ALK: variants seen among roughly 807,000 people sequenced by gnomAD.
The protein encoded by ALK is ALK tyrosine kinase receptor.
Under a neutral mutation model 163.1 loss-of-function variants are expected in ALK, and 74 were observed. The observed-to-expected ratio is 0.45, with a 90% CI of 0.38 to 0.55. The LOEUF is 0.55. Ranked by LOEUF, ALK falls within the 20% of genes least tolerant of loss-of-function variation. ALK has a pLI of 0.00. For missense variants in ALK, 2,063 were observed against 2,105.3 expected (o/e 0.98, Z 0.39); for synonymous variants, 960 against 843.2 (o/e 1.14, Z -2.40).
chr2:29,501,744 G>T (rs541955481), intron 4 of ALK, among the ~76,000 whole-genome samples: 11 of 152,214 alleles, frequency 7.2e-5, no homozygotes, highest in Admixed American at 4.6e-4. Context: ...CAGTTTAGTG[G>T]CATGAAGTTC....
At chr2:29,891,818 T>C (rs1226025493) in intron 1 of ALK, among the ~76,000 whole-genome samples, 9 of 152,176 alleles carry the variant, frequency 5.9e-5, no homozygotes, top group Non-Finnish European at 7.3e-5. Flanking sequence ...GAAGCTTAGA[T>C]GCAGCAGGAC....
chr2:29,841,562 A>G (rs554569415), intron 1 of ALK, among the ~76,000 whole-genome samples: 1 of 152,190 alleles, frequency 6.6e-6, no homozygotes. Context: ...AATTTTGCTC[A>G]GTGTTCTTGG....
intron 6 of ALK, among the ~76,000 whole-genome samples, chr2:29,324,705 C>T (rs1290762677): frequency 6.6e-6 from 1 of 152,132 alleles, no homozygotes; most frequent in Non-Finnish European, 1.5e-5. Flanking sequence ...GCCATCGAGG[C>T]CATTGGTCAG....
At chr2:29,492,292 A>T (rs12469715) in intron 4 of ALK, among the ~76,000 whole-genome samples, 99,398 of 152,066 alleles carry the variant, frequency 0.65, 33,686 homozygotes, top group South Asian at 0.78. Context: ...ATTGTCATCA[A>T]TGTTACAAGT....
chr2:29,579,181 G>A (rs1157856617), intron 3 of ALK, among the ~76,000 whole-genome samples: 3 of 152,202 alleles, frequency 2.0e-5, no homozygotes, highest in African/African-American at 7.2e-5. Flanking sequence ...CCATAGCCTT[G>A]ACACTGTGGC....
At chr2:29,300,955 C>A (rs1325201442) in intron 8 of ALK, among the ~76,000 whole-genome samples, 1 of 152,138 alleles carries the variant, frequency 6.6e-6, no homozygotes, top group Admixed American at 6.5e-5. Context: ...GACTTTAAAG[C>A]AAGATTGAAA....
At chr2:29,401,993 C>G (rs1055400415) in intron 4 of ALK, among the ~76,000 whole-genome samples, 1 of 152,134 alleles carries the variant, frequency 6.6e-6, no homozygotes, top group African/African-American at 2.4e-5. Flanking sequence ...TTCTGGGAGC[C>G]GGGGCAGCTC....
At chr2:29,571,787 T>A (rs999852271) in intron 3 of ALK, among the ~76,000 whole-genome samples, 1 of 152,006 alleles carries the variant, frequency 6.6e-6, no homozygotes, top group South Asian at 2.1e-4. Flanking sequence ...TAGCTCATTT[T>A]TGTATTTTTA....
At chr2:29,713,239 C>A (rs1378599893) in intron 2 of ALK, among the ~76,000 whole-genome samples, 1 of 152,186 alleles carries the variant, frequency 6.6e-6, no homozygotes, top group East Asian at 1.9e-4. Flanking sequence ...AAGGCCCATC[C>A]TAATCCAGTA....
chr2:29,705,078 C>T (rs1451089127), intron 2 of ALK, among the ~76,000 whole-genome samples: 1 of 150,624 alleles, frequency 6.6e-6, no homozygotes, highest in South Asian at 2.1e-4. Context: ...ATTAGCCAAG[C>T]GTGGTGGCTG....
intron 16 of ALK, among the ~76,000 whole-genome samples, chr2:29,228,278 C>T (rs941589673): frequency 3.3e-5 from 5 of 152,224 alleles, no homozygotes; most frequent in African/African-American, 9.6e-5. Context: ...TGCATGCATT[C>T]GTCCTAATCT....
At chr2:29,830,949 AG>A in intron 1 of ALK, among the ~76,000 whole-genome samples, 1 of 50,582 alleles carries the variant, frequency 2.0e-5, no homozygotes, top group African/African-American at 6.6e-5. Context: ...GAAGAAAAGA[AG>A]AAGAAAAGAA....
chr2:29,448,713 T>C (rs988241610), intron 4 of ALK, among the ~76,000 whole-genome samples: 7 of 152,136 alleles, frequency 4.6e-5, no homozygotes, highest in Admixed American at 4.6e-4. Context: ...TATCCCCATA[T>C]ATATTCAGAC....
In ALK at chr2:29,401,574, G is replaced by T. The variant is rs374771598; in HGVS notation, c.1155-17715C>A. 2.0e-4 allele frequency among the ~76,000 whole-genome samples: 30 copies of T among 152,302 alleles called. No individual in the cohort carries two copies. In the East Asian group the frequency reaches 2.9e-3, roughly 15 times the overall value. On this transcript the variant is annotated intron_variant, in intron 4 of 28. Transcript: ENST00000389048. ...CCAGTTGGGGAGTGGAAGAACAGAG[G>T]TGGGTGGGGTATGATCCCTGAACTC...
intron 4 of ALK, among the ~76,000 whole-genome samples, chr2:29,384,669 G>T (rs1668986756): frequency 7.9e-6 from 1 of 127,008 alleles, no homozygotes; most frequent in South Asian, 2.7e-4. Flanking sequence ...TGTGTGTGTG[G>T]ATTTATTTAC....
intron 2 of ALK, among the ~76,000 whole-genome samples, chr2:29,703,985 A>C (rs1362532082): frequency 2.0e-5 from 3 of 152,116 alleles, no homozygotes; most frequent in Non-Finnish European, 4.4e-5. Flanking sequence ...GACGTACTGA[A>C]CCACCAGCTG....
intron 11 of ALK, among the ~76,000 whole-genome samples, chr2:29,254,608 T>C (rs968361058): frequency 1.3e-5 from 2 of 152,214 alleles, no homozygotes; most frequent in East Asian, 1.9e-4. Flanking sequence ...TAAGGTAGAT[T>C]GTACAACCTC....
At chr2:29,617,692 C>T (rs1371091307) in intron 3 of ALK, among the ~76,000 whole-genome samples, 1 of 152,160 alleles carries the variant, frequency 6.6e-6, no homozygotes, top group East Asian at 1.9e-4. Context: ...AGCTATGAAA[C>T]CCCACTTGTC....
intron 3 of ALK, among the ~76,000 whole-genome samples, chr2:29,604,074 G>T (rs189591419): frequency 4.6e-5 from 7 of 152,040 alleles, no homozygotes; most frequent in Admixed American, 2.0e-4. Context: ...TATACTCAGG[G>T]TCTAGCACAG....
Sources: gnomAD v4.1 joint callset for allele counts (sites outside exome capture counted in the v4.1 genomes callset) on GRCh38, gnomAD v4.1.1 for gene constraint, MANE v1.5 for transcripts, NCBI Gene and HGNC (gene_info 2026-07-23, HGNC 2026-07-21) for gene names.